Variants in CERS1 observed in about 807,000 individuals in gnomAD.
CERS1 encodes the protein Embryonic growth/differentiation factor 1.
In CERS1, 16 loss-of-function variants were observed where a neutral mutation model predicts 35.7. The ratio of observed to expected loss-of-function variants is 0.45; its 90% confidence interval spans 0.30 to 0.68. The LOEUF (loss-of-function observed/expected upper bound fraction) is 0.68. Among genes scored for constraint, CERS1 ranks in the 30% least tolerant of loss-of-function variants. CERS1 has a pLI of 0.08. For missense variants in CERS1, 454 were observed against 453.9 expected (o/e 1.00, Z 0.00); for synonymous variants, 243 against 201.6 (o/e 1.21, Z -1.74).
intron 2 of CERS1, among the ~76,000 whole-genome samples, chr19:18,888,532 A>AC (rs2056416080): frequency 6.7e-6 from 1 of 148,518 alleles, no homozygotes; most frequent in African/African-American, 2.5e-5. Context: ...AAAAAAAAAA[A>AC]AAAAAAAAAA....
rs368419216 is a variant in CERS1, at chr19:18,879,202, C to T, written c.900+39G>A. 258 of 1,611,162 alleles carry T rather than the reference C, an allele frequency of 1.6e-4. 4 individuals carry two copies. The South Asian group carries it at 2.3e-3, about 14-fold the overall frequency. ...GAGGGGACAGGGATTGGGACGAGGA[C>T]GGGACCGCCACTGTGGAGGAGAGCC... On this transcript the variant is annotated intron_variant, in intron 5 of 7. Coordinates refer to ENST00000623882, the MANE Select transcript of CERS1 (RefSeq NM_021267.5).
Position 18,870,387 on chromosome 19 carries a change from C to T in CERS1, c.*190G>A, listed in dbSNP as rs1051940897. On this transcript the variant is annotated 3_prime_UTR_variant, in exon 7 of 8. Transcript: ENST00000623882. The surrounding 1 kb of genome is among the most constrained non-coding windows in gnomAD (Gnocchi z 5.1). ...AGTGGGCTGAGGGCGGGGCCGGTGT[C>T]CCCGGAGGGGCAGGGGTCCTGGGGG... 44 of 1,487,918 alleles carry T rather than the reference C, an allele frequency of 3.0e-5. No homozygotes were observed. Among genetic ancestry groups the T allele is most frequent in the Non-Finnish European group, 3.8e-5 (42 of 1,102,770 alleles). 92.2% of individuals were successfully genotyped at this position (1,487,918 alleles called of 1,614,324 possible).
chr19:18,879,044 G>A lies in CERS1; in HGVS notation c.901-5C>T, dbSNP rs749752973. The A allele has an allele frequency of 1.1e-5, 18 of 1,612,840 alleles. No individual in the cohort carries two copies. The highest frequency in any genetic ancestry group is 4.5e-5 in the East Asian group (2 of 44,884). ...GGCTGCAAACGCCACGATGTACTGCGAGAGGGGAGGGGAGGTGCCAGTGAG... is the reference window on the plus strand; with the variant it reads ...GGCTGCAAACGCCACGATGTACTGCAAGAGGGGAGGGGAGGTGCCAGTGAG... On this transcript the variant is annotated splice_polypyrimidine_tract_variant and splice_region_variant and intron_variant, in intron 5 of 7. Coordinates refer to ENST00000623882, the MANE Select transcript of CERS1 (RefSeq NM_021267.5).
intron 7 of CERS1, 99 bp downstream of exon 7, chr19:18,869,884 G>C: frequency 3.3e-6 from 4 of 1,203,274 alleles, no homozygotes; most frequent in South Asian, 1.3e-5. Context: ...GGCGGGTGGG[G>C]ACCCTCGGAG....
chr19:18,877,989 G>A (rs2056093262), intron 6 of CERS1: 1 of 985,474 alleles, frequency 1.0e-6, no homozygotes, highest in South Asian at 4.7e-5. Context: ...TCCAAACAGG[G>A]TGGGGGGTCT....
At position 18,895,764 on chromosome 19, in the gene CERS1, C is replaced by A; in HGVS notation, c.249+60G>T. 1 of 991,416 alleles carries A rather than the reference C, an allele frequency of 1.0e-6. No homozygotes were observed. The highest frequency in any genetic ancestry group is 4.6e-5 in the East Asian group (1 of 21,550). 61.4% of individuals were successfully genotyped at this position (991,416 alleles called of 1,614,324 possible). On this transcript the variant is annotated intron_variant, in intron 1 of 7. Transcript: ENST00000623882. The surrounding 1 kb of genome is among the most constrained non-coding windows in gnomAD (Gnocchi z 6.4). Reference sequence around the variant, plus strand: ...AAGGAACGCGCCGGCGGCCCCAGGTCCCCGGTCCCGGCTTCCCCCAGTCCG... The same window carrying A: ...AAGGAACGCGCCGGCGGCCCCAGGTACCCGGTCCCGGCTTCCCCCAGTCCG...
chr19:18,886,366 A>G (rs918439723), intron 2 of CERS1, among the ~76,000 whole-genome samples: 12 of 152,146 alleles, frequency 7.9e-5, no homozygotes, highest in Non-Finnish European at 1.3e-4. Flanking sequence ...TGGTTAACAC[A>G]GTGAAACCCC....
chr19:18,871,153 G>C (rs1270979496), intron 6 of CERS1, among the ~76,000 whole-genome samples: 1 of 151,074 alleles, frequency 6.6e-6, no homozygotes, highest in Non-Finnish European at 1.5e-5. Flanking sequence ...AACCTCCAAG[G>C]CTCAATGGAT....
rs1406518214 is a variant in CERS1, at chr19:18,895,105, C to T, written c.249+719G>A. Among the ~76,000 whole-genome samples, 6 of 152,260 alleles carry T rather than the reference C, an allele frequency of 3.9e-5. No homozygotes were observed. The highest frequency in any genetic ancestry group is 8.8e-5 in the Non-Finnish European group (6 of 68,040). The stretch of plus-strand genomic sequence containing the variant: ...GCCTCTTGGAGGCAGCACAGTCCAA[C>T]CCTGAAGCCCCGGGCCATGTCACCT... On this transcript the variant is annotated intron_variant, in intron 1 of 7. Coordinates refer to ENST00000623882, the MANE Select transcript of CERS1 (RefSeq NM_021267.5). The surrounding 1 kb of genome is among the most constrained non-coding windows in gnomAD (Gnocchi z 6.4).
At chr19:18,885,020 G>A (rs1020796758) in intron 2 of CERS1, among the ~76,000 whole-genome samples, 7 of 151,882 alleles carry the variant, frequency 4.6e-5, no homozygotes, top group Admixed American at 2.0e-4. Flanking sequence ...CCGGCCAGCA[G>A]GGATTTTTAT....
intron 3 of CERS1, among the ~76,000 whole-genome samples, chr19:18,881,365 T>C (rs1293497545): frequency 6.6e-6 from 1 of 151,760 alleles, no homozygotes; most frequent in Admixed American, 6.6e-5. Flanking sequence ...GCATTACAGG[T>C]ATGTGCCACC....
chr19:18,869,861 G>A (rs1250951147), intron 7 of CERS1, 122 bp downstream of exon 7: 29 of 951,304 alleles, frequency 3.0e-5, no homozygotes, highest in Non-Finnish European at 4.4e-5. Context: ...GAAGTTGCTA[G>A]TAGCCTGGAC....
intron 1 of CERS1, among the ~76,000 whole-genome samples, chr19:18,894,682 G>A (rs1022610231): frequency 6.6e-6 from 1 of 152,108 alleles, no homozygotes; most frequent in Non-Finnish European, 1.5e-5. Context: ...CCCAGGGAGG[G>A]GCCCTGGACA....
At chr19:18,885,517 T>C (rs867528172) in intron 2 of CERS1, among the ~76,000 whole-genome samples, 4 of 137,540 alleles carry the variant, frequency 2.9e-5, no homozygotes, top group Non-Finnish European at 4.6e-5. Flanking sequence ...TCTCGTTTTT[T>C]TTTTTTTTTT....
intron 6 of CERS1, among the ~76,000 whole-genome samples, chr19:18,876,501 A>G (rs1247004883): frequency 1.3e-5 from 2 of 150,930 alleles, no homozygotes; most frequent in African/African-American, 4.9e-5. Flanking sequence ...GCCACAACAC[A>G]TGGCTGTTTT....
intron 2 of CERS1, among the ~76,000 whole-genome samples, chr19:18,891,255 A>G (rs2056483348): frequency 6.6e-6 from 1 of 152,206 alleles, no homozygotes; most frequent in Non-Finnish European, 1.5e-5. Context: ...TGGGTGGCAC[A>G]TCCACTGTAC....
intron 2 of CERS1, among the ~76,000 whole-genome samples, chr19:18,886,171 C>T (rs552806501): frequency 3.3e-5 from 5 of 150,732 alleles, no homozygotes; most frequent in Non-Finnish European, 7.4e-5. Context: ...TTTGAGAGGC[C>T]GAGGCAGGAG....
chr19:18,893,980 T>C (rs908174119), intron 1 of CERS1, among the ~76,000 whole-genome samples: 15 of 150,902 alleles, frequency 9.9e-5, no homozygotes, highest in Admixed American at 6.6e-4. Context: ...GAGAGCCCCA[T>C]GGGACCGACA....
Position 18,870,557 on chromosome 19 carries a change from CG to C in CERS1, c.*19del. On this transcript the variant is annotated 3_prime_UTR_variant, in exon 7 of 8. Coordinates refer to ENST00000623882, the MANE Select transcript of CERS1 (RefSeq NM_021267.5). This position sits in a 1 kb window ranked among gnomAD's most constrained non-coding sequence, Gnocchi z 5.1. ...GGTATTCGGGGTGGGGCCGGGTCCA[CG>C]GGGGCGGGGCCGAGGGGTTCAGAAG... 1 of 69,002 alleles carries C rather than the reference CG, an allele frequency of 1.4e-5. No individual in the cohort carries two copies. The allele number at this position is 69,002 out of a possible 1,614,324, so 4.3% of individuals were successfully genotyped here.
Sources: allele counts gnomAD v4.1 joint callset (sites outside exome capture counted in the v4.1 genomes callset), GRCh38; gene constraint gnomAD v4.1.1; non-coding constraint Gnocchi (gnomAD v3.1); transcripts MANE v1.5; gene names NCBI Gene and HGNC (gene_info 2026-07-23, HGNC 2026-07-21).